Variants in LRRFIP2 observed in about 807,000 individuals in gnomAD.
LRRFIP2 encodes the protein LRR binding FLII interacting protein 2, also known as leucine-rich repeat flightless-interacting protein 2.
Under a neutral mutation model 125.9 loss-of-function variants are expected in LRRFIP2, and 109 were observed. That is an observed-to-expected ratio of 0.87 (90% confidence interval 0.74 to 1.01). The LOEUF (loss-of-function observed/expected upper bound fraction) is 1.01, where lower values mean the gene tolerates loss of function less well. LRRFIP2 is among the 50% of genes least tolerant of loss of function. The pLI, the probability that LRRFIP2 is intolerant of heterozygous loss-of-function variation, is 0.00. For missense variants in LRRFIP2, 850 were observed against 862.3 expected (o/e 0.99, Z 0.18); for synonymous variants, 291 against 293.1 (o/e 0.99, Z 0.07).
chr3:37,090,623 A>G (rs1441498248), intron 18 of LRRFIP2, among the ~76,000 whole-genome samples: 1 of 152,224 alleles, frequency 6.6e-6, no homozygotes, highest in Non-Finnish European at 1.5e-5. Context: ...TCAGAATGAC[A>G]TGTGAGGAAA....
intron 2 of LRRFIP2, among the ~76,000 whole-genome samples, chr3:37,147,117 C>T (rs1226411467): frequency 6.6e-6 from 1 of 152,094 alleles, no homozygotes; most frequent in Non-Finnish European, 1.5e-5. Context: ...AAAAGCTCAA[C>T]ATCACTGATT....
Position 37,054,057 on chromosome 3 carries a change from CTG to C in LRRFIP2, c.2056-98_2056-97del, listed in dbSNP as rs1247874581. 10 of 794,264 alleles carry C rather than the reference CTG, an allele frequency of 1.3e-5. No individual in the cohort carries two copies. In the African/African-American group the frequency reaches 1.3e-4, roughly 11 times the overall value. 49.2% of individuals were successfully genotyped at this position (794,264 alleles called of 1,614,324 possible). A position where few individuals can be genotyped will look rare whatever the true frequency, so the allele number is the denominator to read the frequency against. On this transcript the variant is annotated intron_variant, in intron 27 of 27. Transcript: ENST00000336686. ...TCCTGGGAAATGAAAGCACTGCTAA[CTG>C]TGATGGCCTTGCACAGGACCCACAA...
chr3:37,125,937 A>C (rs193029403), intron 4 of LRRFIP2, among the ~76,000 whole-genome samples: 37 of 152,288 alleles, frequency 2.4e-4, no homozygotes, highest in Non-Finnish European at 3.4e-4. Context: ...GAATCAGTTT[A>C]ATTTTTTTCT....
At chr3:37,063,296 A>G (rs1170445328) in intron 24 of LRRFIP2, among the ~76,000 whole-genome samples, 1 of 152,214 alleles carries the variant, frequency 6.6e-6, no homozygotes, top group African/African-American at 2.4e-5. Flanking sequence ...GAAAATAAGT[A>G]TGTGTGTGGC....
intron 2 of LRRFIP2, among the ~76,000 whole-genome samples, chr3:37,141,363 A>T (rs1383928921): frequency 6.6e-6 from 1 of 151,350 alleles, no homozygotes; most frequent in East Asian, 1.9e-4. Context: ...CCCTAACATC[A>T]CCTCCTCCCA....
Position 37,065,801 on chromosome 3 carries a change from G to GT in LRRFIP2, c.1699+8dup. ...TTAATCCAAGTCAACATAGCAACCA[G>GT]TATCTTACCTAATGGCCCTTCTCCT... On this transcript the variant is annotated intron_variant, in intron 23 of 27. Transcript: ENST00000336686. 6.2e-7 allele frequency: 1 copy of GT among 1,614,140 alleles called. No homozygotes were observed. The highest frequency in any genetic ancestry group is 8.5e-7 in the Non-Finnish European group (1 of 1,179,980).
chr3:37,080,634 CCTAA>C (rs1472337629), intron 19 of LRRFIP2, among the ~76,000 whole-genome samples: 1 of 151,812 alleles, frequency 6.6e-6, no homozygotes, highest in African/African-American at 2.4e-5. Context: ...AGCCTCTGTG[CCTAA>C]CTACCTATTT....
intron 13 of LRRFIP2, among the ~76,000 whole-genome samples, chr3:37,106,569 A>T (rs2094334487): frequency 6.6e-6 from 1 of 152,204 alleles, no homozygotes; most frequent in Non-Finnish European, 1.5e-5. Context: ...GCTACTCAGG[A>T]GGCTGAGGCA....
chr3:37,151,241 C>T (rs955548122), intron 1 of LRRFIP2, among the ~76,000 whole-genome samples: 2 of 152,028 alleles, frequency 1.3e-5, no homozygotes, highest in African/African-American at 4.8e-5. Context: ...TGTCTGTAAT[C>T]CCAGGTACTC....
Position 37,106,709 on chromosome 3 carries a change from G to A in LRRFIP2, c.715-1186C>T, listed in dbSNP as rs540195232. Among the ~76,000 whole-genome samples the A allele has an allele frequency of 9.2e-5, 14 of 152,108 alleles. 1 individual carries two copies. The East Asian group carries it at 1.2e-3, about 13-fold the overall frequency. On this transcript the variant is annotated intron_variant, in intron 13 of 27. Coordinates refer to ENST00000336686, the MANE Select transcript of LRRFIP2 (RefSeq NM_006309.4). ...TGTAATCCCAGCACTTTGGGAGGCC[G>A]AGGTGGGTGGACCACCTGAGGTCAC...
chr3:37,081,174 CAA>C (rs749160016), intron 19 of LRRFIP2, among the ~76,000 whole-genome samples: 8 of 152,152 alleles, frequency 5.3e-5, no homozygotes, highest in Admixed American at 3.3e-4. Flanking sequence ...CGTAGGAGAT[CAA>C]AGTTACAGTG....
intron 2 of LRRFIP2, among the ~76,000 whole-genome samples, chr3:37,145,543 T>G (rs781295641): frequency 6.6e-6 from 1 of 152,186 alleles, no homozygotes; most frequent in Non-Finnish European, 1.5e-5. Flanking sequence ...TCCTGGAACA[T>G]GAACAATGAC....
intron 16 of LRRFIP2, among the ~76,000 whole-genome samples, chr3:37,095,778 A>G (rs1382165075): frequency 1.3e-5 from 2 of 152,060 alleles, no homozygotes; most frequent in African/African-American, 2.4e-5. Context: ...AGTAGCTGGG[A>G]CAACAGGCAC....
intron 25 of LRRFIP2, among the ~76,000 whole-genome samples, chr3:37,055,779 C>A (rs2086664125): frequency 6.6e-6 from 1 of 152,220 alleles, no homozygotes; most frequent in Non-Finnish European, 1.5e-5. Flanking sequence ...GCAGCCCCTA[C>A]CAACCCTGTG....
At chr3:37,171,974 GTTT>G (rs2096591979) in intron 1 of LRRFIP2, among the ~76,000 whole-genome samples, 1 of 152,104 alleles carries the variant, frequency 6.6e-6, no homozygotes, top group South Asian at 2.1e-4. Context: ...ACACTCAAAT[GTTT>G]TTAAGTACCT....
intron 2 of LRRFIP2, among the ~76,000 whole-genome samples, chr3:37,143,045 T>G (rs189291086): frequency 6.6e-6 from 1 of 152,202 alleles, no homozygotes; most frequent in East Asian, 1.9e-4. Context: ...CGCTCTCGTT[T>G]CCACTCTCGC....
intron 24 of LRRFIP2, among the ~76,000 whole-genome samples, chr3:37,062,471 A>T (rs2148718637): frequency 6.6e-6 from 1 of 152,340 alleles, no homozygotes; most frequent in East Asian, 1.9e-4. Flanking sequence ...GGGAGCTCCT[A>T]GAATTGACAG....
chr3:37,144,631 TA>T (rs1352327928), intron 2 of LRRFIP2, among the ~76,000 whole-genome samples: 3 of 152,136 alleles, frequency 2.0e-5, no homozygotes, highest in African/African-American at 7.2e-5. Flanking sequence ...CAAATGACTT[TA>T]AAAGAAGAAA....
chr3:37,162,155 CA>C (rs71091697), intron 1 of LRRFIP2, among the ~76,000 whole-genome samples: 29,139 of 73,542 alleles, frequency 0.4, 2,454 homozygotes, highest in East Asian at 0.64. Flanking sequence ...GACCCTGTCT[CA>C]AAAAAAAAAA....
Sources: gnomAD v4.1 joint callset for allele counts (sites outside exome capture counted in the v4.1 genomes callset) on GRCh38, gnomAD v4.1.1 for gene constraint, MANE v1.5 for transcripts, NCBI Gene and HGNC (gene_info 2026-07-23, HGNC 2026-07-21) for gene names.